The following CYFIP1 variants were observed in gnomAD, a reference collection of about 807,000 sequenced individuals.
CYFIP1 encodes the protein cytoplasmic FMR1-interacting protein 1.
CYFIP1 carries 58 observed loss-of-function variants against 163.5 expected under a neutral mutation model. The ratio of observed to expected loss-of-function variants is 0.35; its 90% CI spans 0.29 to 0.44. CYFIP1 has a LOEUF of 0.44. CYFIP1 is among the 20% of genes least tolerant of loss of function. CYFIP1 has a pLI of 1.00. For synonymous variants in CYFIP1, 663 were observed against 660.7 expected (o/e 1.00, Z -0.05); for missense variants, 1,338 against 1,653.8 (o/e 0.81, Z 3.31).
intron 1 of CYFIP1, chr15:22,951,261 G>A (rs1595690166): frequency 4.9e-6 from 5 of 1,028,328 alleles, no homozygotes; most frequent in South Asian, 4.6e-5. Context: ...GACCGCAGCC[G>A]GTCACTGCTG....
chr15:22,953,924 C>T (rs751126789), intron 1 of CYFIP1, among the ~76,000 whole-genome samples: 1 of 152,200 alleles, frequency 6.6e-6, no homozygotes, highest in Middle Eastern at 3.4e-3. Flanking sequence ...GGCGTGGTGG[C>T]GGGCGCCTGT....
chr15:22,926,230 T>A, intron 12 of CYFIP1, 123 bp from the exon 13 acceptor site: 1 of 1,419,528 alleles, frequency 7.0e-7, no homozygotes, highest in Non-Finnish European at 9.7e-7. Context: ...ATTCTGAAAG[T>A]CACACATGAG....
intron 23 of CYFIP1, among the ~76,000 whole-genome samples, chr15:22,891,720 A>T (rs1176933214): frequency 6.6e-6 from 1 of 152,262 alleles, no homozygotes; most frequent in African/African-American, 2.4e-5. Flanking sequence ...AGGTGCAAAC[A>T]CTTGCGCTCC....
At chr15:22,919,290 A>C (rs994048823) in intron 13 of CYFIP1, among the ~76,000 whole-genome samples, 1 of 152,226 alleles carries the variant, frequency 6.6e-6, no homozygotes, top group Non-Finnish European at 1.5e-5. Context: ...GAAGACTCTG[A>C]TGGAACATAA....
chr15:22,932,412 C>T (rs1014219072), intron 10 of CYFIP1, 72 bp from the exon 11 acceptor site: 21 of 1,042,760 alleles, frequency 2.0e-5, no homozygotes, highest in East Asian at 1.5e-4. Flanking sequence ...CAGCTCAGGA[C>T]GCCTGTTTGG....
intron 19 of CYFIP1, 49 bp from the exon 20 acceptor site, chr15:22,910,677 T>A (rs755316917): frequency 6.2e-7 from 1 of 1,606,144 alleles, no homozygotes; most frequent in African/African-American, 1.3e-5. Context: ...TAAATTGTAA[T>A]GGGAATGTCA....
At chr15:22,874,485 C>T in intron 28 of CYFIP1, 65 bp downstream of exon 28, 1 of 1,325,278 alleles carries the variant, frequency 7.5e-7, no homozygotes, top group East Asian at 2.5e-5. Context: ...GGCTCCCAAC[C>T]AGGCCACCTG....
chr15:22,942,683 G>A (rs1000614360), intron 6 of CYFIP1, among the ~76,000 whole-genome samples: 4 of 152,144 alleles, frequency 2.6e-5, no homozygotes, highest in African/African-American at 7.2e-5. Flanking sequence ...GTGTGACCAC[G>A]AGACACCCTG....
At chr15:22,942,483 C>T (rs772304872) in intron 6 of CYFIP1, among the ~76,000 whole-genome samples, 1 of 152,022 alleles carries the variant, frequency 6.6e-6, no homozygotes. Flanking sequence ...TGTCACCGAA[C>T]GCCGGTCGGC....
rs548858191 is a variant in CYFIP1, at chr15:22,912,084, T to C, written c.2082+95A>G. On this transcript the variant is annotated intron_variant, in intron 18 of 30. Transcript: ENST00000617928. The stretch of plus-strand genomic sequence containing the variant: ...TTGCTTCGTGGTTTATACTGTCTTA[T>C]ATTTTAAAGAAAGTTGAATACTTGG... 4 of 1,156,030 alleles carry C rather than the reference T, an allele frequency of 3.5e-6. 1 individual carries two copies. The South Asian group carries it at 6.0e-5, about 17-fold the overall frequency. The allele number at this position is 1,156,030 out of a possible 1,614,324, so 71.6% of individuals were successfully genotyped here. A position where few individuals can be genotyped will look rare whatever the true frequency, so the allele number is the denominator to read the frequency against.
At chr15:22,907,387 C>A (rs2060621280) in intron 21 of CYFIP1, among the ~76,000 whole-genome samples, 1 of 152,134 alleles carries the variant, frequency 6.6e-6, no homozygotes, top group African/African-American at 2.4e-5. Context: ...ACTGTGGTAT[C>A]CCCAGGGCTG....
intron 22 of CYFIP1, among the ~76,000 whole-genome samples, chr15:22,902,099 A>G (rs957943608): frequency 6.6e-6 from 1 of 152,224 alleles, no homozygotes; most frequent in African/African-American, 2.4e-5. Context: ...CTCTTGGGGA[A>G]ACAGGTGACA....
intron 21 of CYFIP1, chr15:22,904,738 C>T (rs1318412317): frequency 6.6e-6 from 1 of 152,126 alleles, no homozygotes; most frequent in Non-Finnish European, 1.5e-5. Context: ...TGGCCAATGC[C>T]AACAGAAACA....
chr15:22,897,471 C>A (rs1287672389), intron 22 of CYFIP1, among the ~76,000 whole-genome samples: 28 of 147,630 alleles, frequency 1.9e-4, no homozygotes, highest in Non-Finnish European at 3.0e-4. Context: ...GGGTGTTCAA[C>A]AGGGTTGTTT....
At chr15:22,896,850 A>G (rs190750089) in intron 22 of CYFIP1, among the ~76,000 whole-genome samples, 1 of 152,086 alleles carries the variant, frequency 6.6e-6, no homozygotes, top group African/African-American at 2.4e-5. Context: ...ATATCTAGTA[A>G]TTCTTGATTG....
chr15:22,934,220 T>C (rs1390126341), intron 9 of CYFIP1, among the ~76,000 whole-genome samples: 1 of 119,418 alleles, frequency 8.4e-6, no homozygotes, highest in Non-Finnish European at 1.6e-5. Context: ...AGAGTCTCGC[T>C]CTGTCGCCCA....
At chr15:22,923,960 A>AG (rs2061275901) in intron 13 of CYFIP1, among the ~76,000 whole-genome samples, 6 of 151,338 alleles carry the variant, frequency 4.0e-5, no homozygotes, top group African/African-American at 1.5e-4. Flanking sequence ...AAAAAAAAAA[A>AG]AAAAACAAGA....
In CYFIP1 at chr15:22,944,585, T is replaced by C; in HGVS notation, c.360A>G (p.Thr120=). Residue 120 remains threonine (T), a synonymous_variant, in exon 5 of 31, where the codon ACA becomes ACG. Coordinates refer to ENST00000617928, the MANE Select transcript of CYFIP1 (RefSeq NM_014608.6). ...KTVEVLEPEV[T]KLMNFMYFQR... Reference sequence around the variant, plus strand: ...GGAAGTACATGAAATTCATCAGTTTTGTGACCTCAGGCTCCAGAACCTCCA... The same window carrying C: ...GGAAGTACATGAAATTCATCAGTTTCGTGACCTCAGGCTCCAGAACCTCCA... The C allele has an allele frequency of 6.2e-7, 1 of 1,613,302 alleles. No homozygotes were observed. Among genetic ancestry groups the C allele is most frequent in the Non-Finnish European group, 8.5e-7 (1 of 1,179,498 alleles).
At chr15:22,919,387 T>C (rs74738072) in intron 13 of CYFIP1, among the ~76,000 whole-genome samples, 3,182 of 152,342 alleles carry the variant, frequency 0.021, 118 homozygotes, top group African/African-American at 0.072. Flanking sequence ...GACAGTAATT[T>C]TGTCATGACA....
Sources: allele counts gnomAD v4.1 joint callset (sites outside exome capture counted in the v4.1 genomes callset), GRCh38; gene constraint gnomAD v4.1.1; transcripts MANE v1.5; gene names NCBI Gene and HGNC (gene_info 2026-07-23, HGNC 2026-07-21).